The following LGALS9C variants were observed in gnomAD, a reference collection of about 807,000 sequenced individuals.
The protein encoded by LGALS9C is galectin-9C.
LGALS9C carries 7 observed loss-of-function variants against 41.3 expected under a neutral mutation model. That is an observed-to-expected ratio of 0.17 (90% CI 0.10 to 0.32). The LOEUF (loss-of-function observed/expected upper bound fraction) is 0.32. LGALS9C is among the 10% of genes least tolerant of loss of function. LGALS9C has a pLI of 1.00. For missense variants in LGALS9C, 102 were observed against 455.2 expected, an observed-to-expected ratio of 0.22 and a Z score of 7.06; for synonymous variants, 44 against 171.0, an observed-to-expected ratio of 0.26 and a Z score of 5.80.
chr17:18,484,818 G>C (rs1440971458), intron 2 of LGALS9C, among the ~76,000 whole-genome samples: 1 of 150,630 alleles, frequency 6.6e-6, no homozygotes, highest in Non-Finnish European at 1.5e-5. Flanking sequence ...TTGCCATCCT[G>C]CTGTCGGACT....
In LGALS9C at chr17:18,492,870, G is replaced by A. The variant is rs553172007; in HGVS notation, c.924+11G>A. The A allele has an allele frequency of 3.6e-5, 52 of 1,455,660 alleles. No homozygotes were observed. Among genetic ancestry groups the A allele is most frequent in the South Asian group, 4.8e-5 (4 of 84,162 alleles). 90.2% of individuals were successfully genotyped at this position (1,455,660 alleles called of 1,614,324 possible). A position where few individuals can be genotyped will look rare whatever the true frequency, so the allele number is the denominator to read the frequency against. Reference sequence around the variant, plus strand: ...GGCCAGAGCTTCTCGGTAAGGCGCCGCAGCCTGGAGCTTGAGGAGGCTCCT... The same window carrying A: ...GGCCAGAGCTTCTCGGTAAGGCGCCACAGCCTGGAGCTTGAGGAGGCTCCT... On this transcript the variant is annotated intron_variant, in intron 10 of 10. Coordinates refer to ENST00000328114, the MANE Select transcript of LGALS9C (RefSeq NM_001040078.3).
chr17:18,478,565 A>G (rs1325656937), intron 1 of LGALS9C, among the ~76,000 whole-genome samples: 1 of 128,202 alleles, frequency 7.8e-6, no homozygotes, highest in Non-Finnish European at 1.9e-5. Context: ...GCTGAGTGCC[A>G]TGAGGGCCTG....
intron 3 of LGALS9C, chr17:18,486,953 T>C (rs4924885): frequency 0.041 from 5,303 of 129,676 alleles, 56 homozygotes; most frequent in African/African-American, 0.088. Flanking sequence ...GAAGGGTTGA[T>C]CTGTGCAGCA....
At chr17:18,487,952 CT>C (rs1163162299) in intron 4 of LGALS9C, among the ~76,000 whole-genome samples, 195 bp downstream of exon 4, 2 of 134,484 alleles carry the variant, frequency 1.5e-5, no homozygotes, top group Non-Finnish European at 3.5e-5. Flanking sequence ...GTCACTGTCT[CT>C]GTCTGGAACA....
At chr17:18,482,478 G>C (rs552976687) in intron 1 of LGALS9C, among the ~76,000 whole-genome samples, 1 of 109,744 alleles carries the variant, frequency 9.1e-6, no homozygotes, top group African/African-American at 3.0e-5. Flanking sequence ...TTTGACAAAA[G>C]ATTTCCCCCA....
chr17:18,476,971 G>A (rs1598136988), intron 1 of LGALS9C, 78 bp downstream of exon 1: 1 of 1,348,372 alleles, frequency 7.4e-7, no homozygotes, highest in East Asian at 2.2e-5. Context: ...AGCAACTCCT[G>A]GGTGGCAGGA....
In LGALS9C at chr17:18,492,423, G is replaced by A. The variant is rs770353888; in HGVS notation, c.673-34G>A. 15 of 1,509,190 alleles carry A rather than the reference G, an allele frequency of 9.9e-6. 2 individuals are homozygous for A. In the Admixed American group the frequency reaches 2.2e-4, roughly 23 times the overall value. The allele number at this position is 1,509,190 out of a possible 1,614,324, so 93.5% of individuals were successfully genotyped here. A position where few individuals can be genotyped will look rare whatever the true frequency, so the allele number is the denominator to read the frequency against. On this transcript the variant is annotated intron_variant, in intron 8 of 10. Coordinates refer to ENST00000328114, the MANE Select transcript of LGALS9C (RefSeq NM_001040078.3). Reference sequence around the variant, plus strand: ...CTTCCATGTGGCGGCTGCCCTGACTGCCACTGGCTGACCTGTCCCCGTCCT... The same window carrying A: ...CTTCCATGTGGCGGCTGCCCTGACTACCACTGGCTGACCTGTCCCCGTCCT...
rs147434589 is a variant in LGALS9C at position 18,483,955 on chromosome 17, C to T, written c.120C>T (p.Cys40=). The T allele has an allele frequency of 6.6e-6, 9 of 1,367,614 alleles. 1 individual carries two copies. In the African/African-American group the frequency reaches 1.3e-4, roughly 20 times the overall value. The allele number at this position is 1,367,614 out of a possible 1,614,324, so 84.7% of individuals were successfully genotyped here. Residue 40 remains cysteine (C), a synonymous_variant, in exon 2 of 11, where the codon TGC becomes TGT. Transcript: ENST00000328114. ...QITVNGAVLS[C]SGTRFAVDFQ... ...CTGTCAATGGGGCCGTTCTCAGCTG[C>T]AGTGGAACCAGGTGTGTGTATATGG... is the stretch of plus-strand genomic sequence containing the variant.
intron 1 of LGALS9C, among the ~76,000 whole-genome samples, chr17:18,477,790 A>C: frequency 1.6e-5 from 2 of 121,336 alleles, no homozygotes; most frequent in East Asian, 2.0e-4. Flanking sequence ...ACAGGATCTC[A>C]CCCTGCCTTG....
At position 18,477,010 on chromosome 17, in the gene LGALS9C, C is replaced by T. The variant is rs576233424; in HGVS notation, c.39+117C>T. On this transcript the variant is annotated intron_variant, in intron 1 of 10. Coordinates refer to ENST00000328114, the MANE Select transcript of LGALS9C (RefSeq NM_001040078.3). ...AGGGGTGGGGGCATCCCAAAGAGAA[C>T]ACAAGCAGGGCAGAAATGTCAGTGG... 6 of 1,142,698 alleles carry T rather than the reference C, an allele frequency of 5.3e-6. No individual in the cohort carries two copies. The East Asian group carries it at 9.5e-5, about 18-fold the overall frequency. 70.8% of individuals were successfully genotyped at this position (1,142,698 alleles called of 1,614,324 possible).
At position 18,482,591 on chromosome 17, in the gene LGALS9C, T is replaced by C. The variant is rs1349708077; in HGVS notation, c.40-1284T>C. On this transcript the variant is annotated intron_variant, in intron 1 of 10. Coordinates refer to ENST00000328114, the MANE Select transcript of LGALS9C (RefSeq NM_001040078.3). ...CAATACTAAGCCCAGACGGTAATCA[T>C]TGGTTAGTGCTGAGAAGATGTTGAC... Among the ~76,000 whole-genome samples the C allele has an allele frequency of 8.0e-4, 118 of 146,660 alleles. 1 individual carries two copies. The highest frequency in any genetic ancestry group is 2.0e-3 in the African/African-American group (80 of 40,904).
Position 18,492,857 on chromosome 17 carries a change from T to G in LGALS9C, c.922T>G (p.Ser308Ala), listed in dbSNP as rs1989872590. The change falls in exon 10 of 11, where the codon TCG (serine) becomes GCG (alanine). Residue 308 changes from serine to alanine, a missense_variant and splice_region_variant. Coordinates refer to ENST00000328114, the MANE Select transcript of LGALS9C (RefSeq NM_001040078.3). ...GCCCTTCGTCCGAGGCCAGAGCTTC[T>G]CGGTAAGGCGCCGCAGCCTGGAGCT... ...KMPFVRGQSF[S>A]VWILCEAHCL... 1 of 1,480,846 alleles carries G rather than the reference T, an allele frequency of 6.8e-7. No homozygotes were observed. The highest frequency in any genetic ancestry group is 9.3e-7 in the Non-Finnish European group (1 of 1,075,508). 91.7% of individuals were successfully genotyped at this position (1,480,846 alleles called of 1,614,324 possible).
Position 18,483,985 on chromosome 17 carries a change from A to G in LGALS9C, c.131+19A>G. On this transcript the variant is annotated intron_variant, in intron 2 of 10. Transcript: ENST00000328114. Reference sequence around the variant, plus strand: ...GAACCAGGTGTGTGTATATGGATGGAAACGTTTCACTCCAGCCTCGTCCCT... The same window carrying G: ...GAACCAGGTGTGTGTATATGGATGGGAACGTTTCACTCCAGCCTCGTCCCT... 5 of 1,364,130 alleles carry G rather than the reference A, an allele frequency of 3.7e-6. 1 individual carries two copies. The highest frequency in any genetic ancestry group is 5.1e-6 in the Non-Finnish European group (5 of 973,252). 84.5% of individuals were successfully genotyped at this position (1,364,130 alleles called of 1,614,324 possible).
At position 18,493,035 on chromosome 17, in the gene LGALS9C, A is replaced by T. The variant is rs577698442; in HGVS notation, c.924+176A>T. On this transcript the variant is annotated intron_variant, in intron 10 of 10. Coordinates refer to ENST00000328114, the MANE Select transcript of LGALS9C (RefSeq NM_001040078.3). ...TTATTAATAATTATTACTGTCCTGC[A>T]TGAAGGAAGCGTTGGGATCTGCTTT... Among the ~76,000 whole-genome samples the T allele has an allele frequency of 9.3e-5, 12 of 129,672 alleles. 1 individual carries two copies. In the East Asian group the frequency reaches 1.8e-3, roughly 19 times the overall value. 85.1% of individuals were successfully genotyped at this position (129,672 alleles called of 152,430 possible).
Position 18,487,730 on chromosome 17 carries a change from T to C in LGALS9C, c.417T>C (p.Ser139=). The change falls in exon 4 of 11, where the codon TCT becomes TCC. Residue 139 remains serine (S), a synonymous_variant. Coordinates refer to ENST00000328114, the MANE Select transcript of LGALS9C (RefSeq NM_001040078.3). The part of the protein sequence containing the change: ...HRVDTISVNG[S]VQLSYISFQN... ...TGGACACCATCTCCGTCAATGGCTC[T>C]GTGCAGCTGTCCTACATCAGCTTCC... 6.4e-7 allele frequency: 1 copy of C among 1,552,512 alleles called. No homozygotes were observed. Among genetic ancestry groups the C allele is most frequent in the Non-Finnish European group, 8.8e-7 (1 of 1,136,292 alleles).
chr17:18,479,496 G>A (rs1476053634), intron 1 of LGALS9C, among the ~76,000 whole-genome samples: 5 of 127,220 alleles, frequency 3.9e-5, no homozygotes, highest in African/African-American at 7.7e-5. Context: ...GAACACTGTC[G>A]GGTGGTGTTA....
intron 10 of LGALS9C, among the ~76,000 whole-genome samples, 191 bp from the exon 11 acceptor site, chr17:18,494,030 T>C (rs1989913553): frequency 1.6e-5 from 2 of 128,590 alleles, no homozygotes; most frequent in Admixed American, 7.6e-5. Context: ...AACAGTATTC[T>C]ACGCCAGGGA....
chr17:18,481,835 C>T (rs1277167951), intron 1 of LGALS9C, among the ~76,000 whole-genome samples: 1 of 137,764 alleles, frequency 7.3e-6, no homozygotes, highest in African/African-American at 2.5e-5. Context: ...GCTGTGTGGT[C>T]ACATAACTCA....
intron 5 of LGALS9C, chr17:18,490,371 G>C (rs1989754504): frequency 7.7e-6 from 1 of 130,636 alleles, no homozygotes; most frequent in East Asian, 2.3e-4. Context: ...CCCAGGACTC[G>C]GCCCACAATA....
Sources: gnomAD v4.1 joint callset for allele counts (sites outside exome capture counted in the v4.1 genomes callset) on GRCh38, gnomAD v4.1.1 for gene constraint, MANE v1.5 for transcripts, NCBI Gene and HGNC (gene_info 2026-07-23, HGNC 2026-07-21) for gene names.